The following REEP1 variants were observed in gnomAD, a reference collection of about 807,000 sequenced individuals.
REEP1 encodes receptor accessory protein 1.
REEP1 carries 22 observed loss-of-function variants against 40.3 expected under a neutral mutation model. The ratio of observed to expected loss-of-function variants is 0.55; its 90% CI spans 0.39 to 0.78. The LOEUF (loss-of-function observed/expected upper bound fraction) is 0.78. Ranked by LOEUF, REEP1 falls within the 30% of genes least tolerant of loss-of-function variation. The pLI, the probability that REEP1 is intolerant of heterozygous loss-of-function variation, is 0.00. For synonymous variants in REEP1, 116 were observed against 139.2 expected (o/e 0.83, Z 1.17); for missense variants, 280 against 361.1 (o/e 0.78, Z 1.82).
At chr2:86,220,171 A>G (rs1023839022) in intron 7 of REEP1, 50 bp from the exon 8 acceptor site, 28 of 1,198,756 alleles carry the variant, frequency 2.3e-5, no homozygotes, top group Non-Finnish European at 2.8e-5. Flanking sequence ...ATAGCAAGGA[A>G]GCATCAGTGC....
At chr2:86,251,706 G>T (rs1676281623) in intron 5 of REEP1, 1 of 544,682 alleles carries the variant, frequency 1.8e-6, no homozygotes, top group African/African-American at 1.9e-5. Context: ...TCTTAACCTG[G>T]GACGCACAGA....
intron 5 of REEP1, among the ~76,000 whole-genome samples, 157 bp from the exon 6 acceptor site, chr2:86,232,959 G>A (rs1675113086): frequency 6.6e-6 from 1 of 152,220 alleles, no homozygotes; most frequent in Non-Finnish European, 1.5e-5. Context: ...TGGAAACACA[G>A]AGAGGGTCAA....
At chr2:86,307,419 A>G (rs1252131893) in intron 1 of REEP1, among the ~76,000 whole-genome samples, 1 of 152,204 alleles carries the variant, frequency 6.6e-6, no homozygotes, top group Non-Finnish European at 1.5e-5. Flanking sequence ...GATTTATGAT[A>G]CACTTAAGTA....
At chr2:86,259,103 C>A (rs1039616451) in intron 3 of REEP1, among the ~76,000 whole-genome samples, 1 of 151,918 alleles carries the variant, frequency 6.6e-6, no homozygotes, top group African/African-American at 2.4e-5. Context: ...TTCAGGAGAT[C>A]GAGACCATCC....
At chr2:86,219,304 T>G (rs982373172) in intron 8 of REEP1, among the ~76,000 whole-genome samples, 3 of 152,186 alleles carry the variant, frequency 2.0e-5, no homozygotes, top group African/African-American at 7.2e-5. Context: ...AATAACACAT[T>G]CTGAGTTTTC....
At chr2:86,331,439 C>T (rs1240828913) in intron 1 of REEP1, among the ~76,000 whole-genome samples, 1 of 150,346 alleles carries the variant, frequency 6.7e-6, no homozygotes, top group African/African-American at 2.5e-5. Flanking sequence ...GAGTCCCCTA[C>T]AAAGAGGGGG....
chr2:86,288,029 A>ATTTTTTTTTTTTTTTTTTTTT (rs1558916443), intron 1 of REEP1, among the ~76,000 whole-genome samples: 4 of 148,586 alleles, frequency 2.7e-5, no homozygotes, highest in African/African-American at 7.8e-5. Context: ...TTTTATTTTT[A>ATTTTTTTTTTTTTTTTTTTTT]TTATTTTTTT....
intron 7 of REEP1, among the ~76,000 whole-genome samples, chr2:86,224,007 A>G (rs1674564010): frequency 6.6e-6 from 1 of 152,164 alleles, no homozygotes; most frequent in Non-Finnish European, 1.5e-5. Context: ...GCAGGAACAG[A>G]GCAAAGATGG....
intron 1 of REEP1, among the ~76,000 whole-genome samples, chr2:86,318,780 G>T (rs79286439): frequency 6.6e-6 from 1 of 152,070 alleles, no homozygotes; most frequent in Non-Finnish European, 1.5e-5. Context: ...GGGTGAGGTA[G>T]CATGATGTCT....
At chr2:86,263,356 A>G (rs181809388) in intron 3 of REEP1, among the ~76,000 whole-genome samples, 6 of 152,224 alleles carry the variant, frequency 3.9e-5, no homozygotes, top group Admixed American at 6.5e-5. Context: ...CAGCCTCCCA[A>G]GTAGCTGGGA....
upstream of REEP1, chr2:86,338,071 C>G (rs1275274294): frequency 6.5e-7 from 1 of 1,537,266 alleles, no homozygotes; most frequent in African/African-American, 1.4e-5. Context: ...TCAGCACTTT[C>G]TGCATAAGAA....
In REEP1 at chr2:86,217,042, C is replaced by T. The variant is rs1354369979; in HGVS notation, c.852G>A (p.Thr284=). The change falls in exon 9 of 9, where the codon ACG becomes ACA. Residue 284 remains threonine (T), a synonymous_variant. Transcript: ENST00000538924. ...CGGTGCTGTTGGCTCATCTCACTCA[C>T]GTGGTTTCGGTGGCCGAGGATGAGG... is the stretch of plus-strand genomic sequence containing the variant. ...KSTSSSATET[T] The T allele has an allele frequency of 6.2e-7, 1 of 1,613,504 alleles. No homozygotes were observed. The highest frequency in any genetic ancestry group is 8.5e-7 in the Non-Finnish European group (1 of 1,179,514).
chr2:86,269,909 GA>G (rs948413765), intron 2 of REEP1, among the ~76,000 whole-genome samples: 1 of 151,020 alleles, frequency 6.6e-6, no homozygotes, highest in African/African-American at 2.4e-5. Context: ...CAGATTGGGA[GA>G]AAATATTTTG....
At chr2:86,245,978 A>G (rs187923978) in intron 5 of REEP1, among the ~76,000 whole-genome samples, 1 of 151,900 alleles carries the variant, frequency 6.6e-6, no homozygotes. Flanking sequence ...GTTAGCCAGG[A>G]TGGTCTCGAT....
chr2:86,235,105 C>G (rs1318936699), intron 5 of REEP1, among the ~76,000 whole-genome samples: 1 of 152,144 alleles, frequency 6.6e-6, no homozygotes, highest in Non-Finnish European at 1.5e-5. Flanking sequence ...CAACAATTAC[C>G]AAGTACTTTT....
chr2:86,250,065 G>C (rs1676185452), intron 5 of REEP1, among the ~76,000 whole-genome samples: 1 of 152,206 alleles, frequency 6.6e-6, no homozygotes, highest in South Asian at 2.1e-4. Context: ...AAGGTGCCTG[G>C]ATGGAGAAGA....
intron 1 of REEP1, among the ~76,000 whole-genome samples, chr2:86,284,254 C>T (rs1471868261): frequency 1.3e-5 from 2 of 152,148 alleles, no homozygotes; most frequent in African/African-American, 4.8e-5. Flanking sequence ...GACGATTGGG[C>T]TCCTCTCCGT....
chr2:86,243,527 AT>A (rs1675780627), intron 5 of REEP1, among the ~76,000 whole-genome samples: 1 of 152,156 alleles, frequency 6.6e-6, no homozygotes, highest in South Asian at 2.1e-4. Context: ...TGTTTCATTC[AT>A]TTGAATCCAC....
At chr2:86,259,694 A>G (rs541117932) in intron 3 of REEP1, among the ~76,000 whole-genome samples, 2 of 152,154 alleles carry the variant, frequency 1.3e-5, no homozygotes, top group South Asian at 4.1e-4. Context: ...AGCCTGTATT[A>G]TTTTATAACT....
Sources: gnomAD v4.1 joint callset for allele counts (sites outside exome capture counted in the v4.1 genomes callset) on GRCh38, gnomAD v4.1.1 for gene constraint, MANE v1.5 for transcripts, NCBI Gene and HGNC (gene_info 2026-07-23, HGNC 2026-07-21) for gene names.